Variants in TANC2 observed in about 807,000 individuals in gnomAD.
TANC2 encodes the protein tetratricopeptide repeat, ankyrin repeat and coiled-coil containing 2.
In TANC2, 26 loss-of-function variants were observed where a neutral mutation model predicts 210.5. The observed-to-expected ratio is 0.12, with a 90% confidence interval of 0.09 to 0.17. The LOEUF (loss-of-function observed/expected upper bound fraction) is 0.17. Ranked by LOEUF, TANC2 falls within the 10% of genes least tolerant of loss-of-function variation. TANC2 has a pLI of 1.00. For missense variants in TANC2, 2,129 were observed against 2,608.9 expected (o/e 0.82, Z 4.01); for synonymous variants, 931 against 967.1 (o/e 0.96, Z 0.69).
chr17:63,192,758 A>G (rs1243527350), intron 5 of TANC2, among the ~76,000 whole-genome samples: 1 of 152,248 alleles, frequency 6.6e-6, no homozygotes, highest in African/African-American at 2.4e-5. Context: ...GGTTAAGCTA[A>G]TATATGTAAA....
intron 2 of TANC2, among the ~76,000 whole-genome samples, chr17:63,065,534 T>C (rs1163076705): frequency 6.6e-6 from 1 of 152,230 alleles, no homozygotes; most frequent in Non-Finnish European, 1.5e-5. Context: ...CTACCAACAG[T>C]GTACAAGAGT....
At chr17:63,288,736 A>T (rs554210770) in intron 9 of TANC2, among the ~76,000 whole-genome samples, 1 of 152,186 alleles carries the variant, frequency 6.6e-6, no homozygotes, top group Non-Finnish European at 1.5e-5. Flanking sequence ...TCAATTCAGA[A>T]TAAAAAAAAA....
intron 11 of TANC2, among the ~76,000 whole-genome samples, chr17:63,336,159 TG>T (rs915131958): frequency 3.3e-5 from 5 of 152,144 alleles, no homozygotes; most frequent in African/African-American, 1.2e-4. Flanking sequence ...ACTTTAGAGT[TG>T]GAAGGGTTTT....
At chr17:63,281,454 G>C (rs1445290281) in intron 9 of TANC2, among the ~76,000 whole-genome samples, 1 of 152,062 alleles carries the variant, frequency 6.6e-6, no homozygotes, top group African/African-American at 2.4e-5. Flanking sequence ...ATCCTAATAA[G>C]CTCTGCAAAT....
At chr17:63,309,719 C>T (rs570950470) in intron 9 of TANC2, among the ~76,000 whole-genome samples, 2 of 151,552 alleles carry the variant, frequency 1.3e-5, no homozygotes, top group Admixed American at 6.6e-5. Flanking sequence ...AAACTAATTC[C>T]GGAAATTATT....
At chr17:63,028,279 GC>G (rs2034634404) in intron 2 of TANC2, among the ~76,000 whole-genome samples, 1 of 152,044 alleles carries the variant, frequency 6.6e-6, no homozygotes, top group Non-Finnish European at 1.5e-5. Flanking sequence ...AGAATGTTTT[GC>G]CTGTATAGGG....
intron 5 of TANC2, among the ~76,000 whole-genome samples, chr17:63,183,783 C>T (rs1041633647): frequency 2.0e-5 from 3 of 151,988 alleles, no homozygotes; most frequent in Non-Finnish European, 4.4e-5. Flanking sequence ...TTTGGGAGGC[C>T]GAGGTGGGCG....
chr17:63,356,454 ACT>A (rs1452615262), intron 14 of TANC2, among the ~76,000 whole-genome samples: 1 of 151,712 alleles, frequency 6.6e-6, no homozygotes, highest in Non-Finnish European at 1.5e-5. Context: ...AAAGAATAAA[ACT>A]CTGTGTTCAT....
At chr17:63,241,404 G>T (rs576904064) in intron 8 of TANC2, among the ~76,000 whole-genome samples, 3 of 152,174 alleles carry the variant, frequency 2.0e-5, no homozygotes, top group Non-Finnish European at 4.4e-5. Flanking sequence ...GGAAAAAAAT[G>T]GAGATTTTAA....
At chr17:63,329,222 AT>A (rs1302996094) in intron 11 of TANC2, among the ~76,000 whole-genome samples, 34 of 152,282 alleles carry the variant, frequency 2.2e-4, no homozygotes, top group African/African-American at 7.9e-4. Flanking sequence ...TTTAAGAAAA[AT>A]TATAGCATAT....
exon 10 of TANC2, chr17:63,314,481 G>A (rs749094947): frequency 3.7e-6 from 6 of 1,613,798 alleles, no homozygotes; most frequent in Admixed American, 1.7e-5. Context: ...TTTGTTGGCC[G>A]AGATTGGGTT....
Position 63,398,921 on chromosome 17 carries a change from C to G in TANC2, c.3331+7C>G. On this transcript the variant is annotated splice_region_variant and intron_variant, in intron 19 of 27. Coordinates refer to ENST00000689528, the Ensembl canonical transcript of TANC2. Reference sequence around the variant, plus strand: ...AGTCTCTGGGGAGAGACAGGTACCTCTCATGGACGTTGCCCTCAAGAATGT... The same window carrying G: ...AGTCTCTGGGGAGAGACAGGTACCTGTCATGGACGTTGCCCTCAAGAATGT... The G allele has an allele frequency of 6.4e-7, 1 of 1,573,112 alleles. No individual in the cohort carries two copies. The highest frequency in any genetic ancestry group is 8.6e-7 in the Non-Finnish European group (1 of 1,156,726).
chr17:62,979,379 T>C (rs908550110), intron 1 of TANC2, among the ~76,000 whole-genome samples: 1 of 152,162 alleles, frequency 6.6e-6, no homozygotes, highest in Non-Finnish European at 1.5e-5. Context: ...GTTAACAGTT[T>C]TGGTCTGTTA....
intron 15 of TANC2, among the ~76,000 whole-genome samples, chr17:63,387,346 A>G (rs1438287312): frequency 6.6e-6 from 1 of 152,136 alleles, no homozygotes; most frequent in Admixed American, 6.5e-5. Context: ...GTTTTTTCCT[A>G]ACCCACTTTA....
intron 4 of TANC2, chr17:63,150,260 A>G (rs2039602171): frequency 6.6e-5 from 10 of 152,264 alleles, no homozygotes; most frequent in Admixed American, 5.9e-4. Context: ...AAACAAATCA[A>G]TTTCAGATTC....
chr17:63,134,742 G>C (rs1004022985), intron 4 of TANC2, among the ~76,000 whole-genome samples: 2 of 152,328 alleles, frequency 1.3e-5, no homozygotes, highest in Non-Finnish European at 2.9e-5. Flanking sequence ...ATGATAGGCT[G>C]TGTAGCACAA....
At chr17:63,282,275 T>C (rs909866262) in intron 9 of TANC2, among the ~76,000 whole-genome samples, 2 of 151,782 alleles carry the variant, frequency 1.3e-5, no homozygotes, top group African/African-American at 2.4e-5. Context: ...ATTACTAATA[T>C]CAGGAATGAA....
chr17:63,029,685 A>G (rs900101635), intron 2 of TANC2, among the ~76,000 whole-genome samples: 3 of 152,152 alleles, frequency 2.0e-5, no homozygotes, highest in Middle Eastern at 3.2e-3. Flanking sequence ...TGCTTACTGT[A>G]TATCAGAAAT....
At chr17:63,326,746 C>CAAA (rs796894169) in intron 11 of TANC2, among the ~76,000 whole-genome samples, 7 of 145,004 alleles carry the variant, frequency 4.8e-5, no homozygotes, top group Non-Finnish European at 9.1e-5. Context: ...ACAACAACAA[C>CAAA]AAAAAAAAAA....
Sources: gnomAD v4.1 joint callset for allele counts (sites outside exome capture counted in the v4.1 genomes callset) on GRCh38, gnomAD v4.1.1 for gene constraint, MANE v1.5 for transcripts, NCBI Gene and HGNC (gene_info 2026-07-23, HGNC 2026-07-21) for gene names.